The following TBC1D22A variants were observed in gnomAD, a reference collection of about 807,000 sequenced individuals.
TBC1D22A encodes putative GTPase activator.
Under a neutral mutation model 60.2 loss-of-function variants are expected in TBC1D22A, and 38 were observed. That is an observed-to-expected ratio of 0.63 (90% CI 0.49 to 0.83). The LOEUF (loss-of-function observed/expected upper bound fraction) is 0.83. Among genes scored for constraint, TBC1D22A ranks in the 40% least tolerant of loss-of-function variants. The pLI, the probability that TBC1D22A is intolerant of heterozygous loss-of-function variation, is 0.00. For synonymous variants in TBC1D22A, 302 were observed against 281.7 expected (o/e 1.07, Z -0.72); for missense variants, 628 against 701.0 (o/e 0.90, Z 1.18).
At chr22:47,137,842 T>TGGGGAGC (rs1310677085) in intron 12 of TBC1D22A, among the ~76,000 whole-genome samples, 3 of 149,712 alleles carry the variant, frequency 2.0e-5, no homozygotes, top group Non-Finnish European at 4.4e-5. Context: ...GAGTGGGGAG[T>TGGGGAGC]GGGGAGCGGG....
At chr22:46,911,110 G>A (rs2069885144) in intron 7 of TBC1D22A, among the ~76,000 whole-genome samples, 1 of 152,104 alleles carries the variant, frequency 6.6e-6, no homozygotes, top group South Asian at 2.1e-4. Flanking sequence ...GTGGGTGATA[G>A]GATTGTGTTG....
intron 12 of TBC1D22A, among the ~76,000 whole-genome samples, chr22:47,157,381 A>G (rs920821963): frequency 6.6e-6 from 1 of 152,192 alleles, no homozygotes; most frequent in East Asian, 1.9e-4. Context: ...CTGACACCGC[A>G]CACGTTATCT....
chr22:46,851,054 GA>G (rs1228751379), intron 4 of TBC1D22A, among the ~76,000 whole-genome samples: 2 of 152,196 alleles, frequency 1.3e-5, no homozygotes, highest in African/African-American at 4.8e-5. Flanking sequence ...TGTATGGGGT[GA>G]TGGAAATGTC....
intron 1 of TBC1D22A, chr22:46,763,356 T>A (rs1466297329): frequency 6.6e-6 from 1 of 151,074 alleles, no homozygotes; most frequent in Non-Finnish European, 1.5e-5. Context: ...TTCTGCTTGC[T>A]GGTGTCAAAA....
At chr22:46,891,030 C>T (rs377080022) in intron 5 of TBC1D22A, among the ~76,000 whole-genome samples, 25 of 152,270 alleles carry the variant, frequency 1.6e-4, no homozygotes, top group Middle Eastern at 3.4e-3. Flanking sequence ...CGGGAGGCTG[C>T]GGACGCAAGC....
intron 4 of TBC1D22A, among the ~76,000 whole-genome samples, chr22:46,817,413 G>A (rs1323228785): frequency 1.3e-5 from 2 of 152,010 alleles, no homozygotes; most frequent in African/African-American, 4.8e-5. Flanking sequence ...CCCCTCACCC[G>A]CCCACCAACG....
intron 8 of TBC1D22A, among the ~76,000 whole-genome samples, chr22:46,925,929 C>T (rs530729587): frequency 2.6e-5 from 4 of 152,054 alleles, no homozygotes; most frequent in South Asian, 4.2e-4. Flanking sequence ...TAAAACAAGC[C>T]GTAATACTTT....
intron 11 of TBC1D22A, among the ~76,000 whole-genome samples, chr22:47,082,293 G>A (rs186840815): frequency 1.9e-4 from 29 of 152,242 alleles, no homozygotes; most frequent in African/African-American, 5.8e-4. Context: ...AAGGATTCAA[G>A]TTAATAAAAT....
chr22:46,808,380 A>T (rs924156089), intron 4 of TBC1D22A, among the ~76,000 whole-genome samples: 12 of 152,166 alleles, frequency 7.9e-5, no homozygotes, highest in Admixed American at 2.0e-4. Flanking sequence ...AAAATAAAAA[A>T]ATAAAGAAAT....
intron 8 of TBC1D22A, among the ~76,000 whole-genome samples, chr22:46,968,432 C>G (rs1170717439): frequency 6.6e-6 from 1 of 152,218 alleles, no homozygotes; most frequent in South Asian, 2.1e-4. Context: ...TGCGCCCCCA[C>G]GCAGAAAGTC....
At chr22:47,014,029 G>T (rs1031582583) in intron 10 of TBC1D22A, among the ~76,000 whole-genome samples, 3 of 152,228 alleles carry the variant, frequency 2.0e-5, no homozygotes, top group Admixed American at 2.0e-4. Flanking sequence ...CCCAGGCAGT[G>T]GGGCGTGTGG....
intron 9 of TBC1D22A, among the ~76,000 whole-genome samples, chr22:46,986,634 G>A (rs556243006): frequency 5.9e-5 from 9 of 152,180 alleles, no homozygotes; most frequent in East Asian, 1.9e-4. Flanking sequence ...TTTTTCTGAC[G>A]TTCCTTCAAA....
intron 9 of TBC1D22A, among the ~76,000 whole-genome samples, chr22:46,984,238 G>A (rs11912281): frequency 0.01 from 1,546 of 151,310 alleles, 35 homozygotes; most frequent in African/African-American, 0.035. Context: ...ATGGTGGCGC[G>A]CGCCTGTAAT....
intron 8 of TBC1D22A, among the ~76,000 whole-genome samples, chr22:46,942,236 G>GT (rs939114634): frequency 3.3e-5 from 5 of 151,634 alleles, no homozygotes; most frequent in Non-Finnish European, 5.9e-5. Context: ...GCCAGCTTTG[G>GT]TTTTTTTTGT....
chr22:47,144,029 C>T (rs2067203898), intron 12 of TBC1D22A, among the ~76,000 whole-genome samples: 1 of 152,240 alleles, frequency 6.6e-6, no homozygotes, highest in African/African-American at 2.4e-5. Flanking sequence ...GGCCCCTCCT[C>T]CAGCACTCTG....
chr22:47,166,421 A>G (rs1385075296), intron 12 of TBC1D22A, among the ~76,000 whole-genome samples: 1 of 152,252 alleles, frequency 6.6e-6, no homozygotes, highest in African/African-American at 2.4e-5. Flanking sequence ...TTGAACCTAG[A>G]ATCAATATAA....
chr22:46,972,492 G>T (rs142361380), intron 8 of TBC1D22A, among the ~76,000 whole-genome samples: 2 of 152,186 alleles, frequency 1.3e-5, no homozygotes, highest in Admixed American at 1.3e-4. Context: ...ACGGGCTGCC[G>T]CATGGATGAC....
intron 11 of TBC1D22A, among the ~76,000 whole-genome samples, chr22:47,075,587 AAGAG>A (rs1277600899): frequency 6.6e-6 from 1 of 152,226 alleles, no homozygotes; most frequent in African/African-American, 2.4e-5. Flanking sequence ...TAGAGGGAAA[AAGAG>A]AGAGGAAGAA....
chr22:47,006,444 C>T (rs1472655541), intron 10 of TBC1D22A, among the ~76,000 whole-genome samples: 2 of 152,180 alleles, frequency 1.3e-5, no homozygotes, highest in African/African-American at 2.4e-5. Flanking sequence ...TATTCACAAT[C>T]GGGTGGAGGT....
Sources: allele counts gnomAD v4.1 joint callset (sites outside exome capture counted in the v4.1 genomes callset), GRCh38; gene constraint gnomAD v4.1.1; transcripts MANE v1.5; gene names NCBI Gene and HGNC (gene_info 2026-07-23, HGNC 2026-07-21).